Variants in BTBD7 observed in about 807,000 individuals in gnomAD.
The protein encoded by BTBD7 is BTB domain containing 7, also known as BTB/POZ domain-containing protein 7.
Under a neutral mutation model 99.9 loss-of-function variants are expected in BTBD7, and 38 were observed. The observed-to-expected ratio is 0.38, with a 90% CI of 0.29 to 0.50. BTBD7 has a LOEUF of 0.50. BTBD7 is among the 20% of genes least tolerant of loss of function. BTBD7 has a pLI of 0.93. For synonymous variants in BTBD7, 520 were observed against 511.4 expected (o/e 1.02, Z -0.23); for missense variants, 1,170 against 1,394.6 (o/e 0.84, Z 2.57).
intron 3 of BTBD7, among the ~76,000 whole-genome samples, chr14:93,272,667 C>T (rs895739170): frequency 1.3e-5 from 2 of 152,296 alleles, no homozygotes; most frequent in South Asian, 4.1e-4. Context: ...TCACATCACA[C>T]CTACAAATCT....
rs772833056 is a variant in BTBD7 at position 93,257,301 on chromosome 14, C to T, written c.1502G>A (p.Arg501Lys). Residue 501 changes from arginine (R) to lysine (K), a missense_variant, in exon 6 of 11, where the codon AGA becomes AAA. Physicochemically the swap from Arg to Lys is conservative, Grantham distance 26. Transcript: ENST00000334746. ...AHSVNKRGVK[R>K]RDLDMEELRE... ...GAGCTCTTCCATGTCCAGGTCCCGTCTTTTTACACCTCTTTTGTTCACACT... is the reference window on the plus strand; with the variant it reads ...GAGCTCTTCCATGTCCAGGTCCCGTTTTTTTACACCTCTTTTGTTCACACT... The T allele has an allele frequency of 1.2e-6, 2 of 1,614,072 alleles. No individual in the cohort carries two copies. Among genetic ancestry groups the T allele is most frequent in the Non-Finnish European group, 8.5e-7 (1 of 1,179,976 alleles).
At chr14:93,284,458 CT>C (rs5810626) in intron 3 of BTBD7, among the ~76,000 whole-genome samples, 2,197 of 145,452 alleles carry the variant, frequency 0.015, 52 homozygotes, top group African/African-American at 0.048. Context: ...CCACTCCCCA[CT>C]TTTTTTTTTT....
chr14:93,282,212 T>C (rs2052728209), intron 3 of BTBD7, among the ~76,000 whole-genome samples: 1 of 152,212 alleles, frequency 6.6e-6, no homozygotes, highest in South Asian at 2.1e-4. Context: ...AATATCATTA[T>C]CAATCTATCT....
chr14:93,275,028 T>C (rs1315658832), intron 3 of BTBD7, among the ~76,000 whole-genome samples: 2 of 152,158 alleles, frequency 1.3e-5, no homozygotes, highest in Non-Finnish European at 2.9e-5. Context: ...AAGTAGGCAA[T>C]CTCACCTCTA....
chr14:93,281,590 ACT>A (rs1350843855), intron 3 of BTBD7, among the ~76,000 whole-genome samples: 1 of 152,226 alleles, frequency 6.6e-6, no homozygotes, highest in African/African-American at 2.4e-5. Flanking sequence ...TCAAAAGTAA[ACT>A]CTATATATAC....
chr14:93,280,239 G>A (rs970530601), intron 3 of BTBD7, among the ~76,000 whole-genome samples: 1 of 152,210 alleles, frequency 6.6e-6, no homozygotes, highest in Non-Finnish European at 1.5e-5. Flanking sequence ...TACAAGCTCA[G>A]ATGTCAAAAG....
At chr14:93,254,484 C>G (rs2052407374) in intron 6 of BTBD7, among the ~76,000 whole-genome samples, 2 of 152,146 alleles carry the variant, frequency 1.3e-5, no homozygotes, top group Non-Finnish European at 1.5e-5. Flanking sequence ...CCTATATCTA[C>G]AGTACAAGGA....
intron 8 of BTBD7, among the ~76,000 whole-genome samples, chr14:93,249,104 C>T (rs749170165): frequency 3.3e-5 from 5 of 151,932 alleles, no homozygotes; most frequent in Non-Finnish European, 7.4e-5. Flanking sequence ...ACTAAACCAG[C>T]AGTAAACAAA....
At chr14:93,308,780 G>C (rs1249966040) in intron 1 of BTBD7, among the ~76,000 whole-genome samples, 1 of 152,188 alleles carries the variant, frequency 6.6e-6, no homozygotes, top group East Asian at 1.9e-4. Flanking sequence ...CCACTTATAT[G>C]AAGTACTTAG....
At chr14:93,260,198 T>C (rs1197357143) in intron 5 of BTBD7, among the ~76,000 whole-genome samples, 2 of 152,222 alleles carry the variant, frequency 1.3e-5, no homozygotes, top group East Asian at 3.8e-4. Flanking sequence ...AAAACAACTC[T>C]ATAAAGGTAC....
chr14:93,290,652 G>A lies in BTBD7; in HGVS notation c.1162+3206C>T, dbSNP rs536180829. On this transcript the variant is annotated intron_variant, in intron 3 of 10. Coordinates refer to ENST00000334746, the MANE Select transcript of BTBD7 (RefSeq NM_001002860.4). ...CATGCCTCAGCCTCCTGGGTAGCTG[G>A]GATTACAGGTGTGTGCCACCACACC... is the stretch of plus-strand genomic sequence containing the variant. Among the ~76,000 whole-genome samples the A allele has an allele frequency of 4.6e-5, 7 of 151,524 alleles. No homozygotes were observed. In the East Asian group the frequency reaches 1.2e-3, roughly 25 times the overall value.
At chr14:93,255,613 A>G (rs1464344222) in intron 6 of BTBD7, 1 of 151,020 alleles carries the variant, frequency 6.6e-6, no homozygotes, top group East Asian at 1.9e-4. Flanking sequence ...CTTGTGCCTC[A>G]GCCTCTCGAG....
chr14:93,321,045 G>T (rs546534216), intron 1 of BTBD7, among the ~76,000 whole-genome samples: 1 of 152,266 alleles, frequency 6.6e-6, no homozygotes, highest in Admixed American at 6.5e-5. Flanking sequence ...AAGGAATTAA[G>T]AGAGGTTATA....
intron 3 of BTBD7, among the ~76,000 whole-genome samples, chr14:93,285,690 T>C (rs1338958338): frequency 6.6e-6 from 1 of 152,216 alleles, no homozygotes; most frequent in Non-Finnish European, 1.5e-5. Context: ...CAGAGCTGTT[T>C]ACCCAGTATA....
At chr14:93,248,330 C>T in intron 9 of BTBD7, 146 bp downstream of exon 9, 1 of 780,394 alleles carries the variant, frequency 1.3e-6, no homozygotes, top group South Asian at 1.9e-5. Context: ...CCAGGAGGGA[C>T]TTGCAGGTTA....
Position 93,257,177 on chromosome 14 carries a change from A to G in BTBD7, c.1608+18T>C. On this transcript the variant is annotated intron_variant, in intron 6 of 10. Transcript: ENST00000334746. Reference sequence around the variant, plus strand: ...ATTTTTCTTTTCATGAAAGGAATACATGGAGAAAAACACTTACTGCATCAC... The same window carrying G: ...ATTTTTCTTTTCATGAAAGGAATACGTGGAGAAAAACACTTACTGCATCAC... The G allele has an allele frequency of 6.2e-7, 1 of 1,605,834 alleles. No homozygotes were observed. Among genetic ancestry groups the G allele is most frequent in the African/African-American group, 1.3e-5 (1 of 74,640 alleles).
intron 8 of BTBD7, among the ~76,000 whole-genome samples, chr14:93,249,261 A>T (rs1305345370): frequency 7.0e-6 from 1 of 142,652 alleles, no homozygotes; most frequent in Non-Finnish European, 1.5e-5. Flanking sequence ...AGGAAACCAG[A>T]TAGGCAAAAA....
At position 93,244,855 on chromosome 14, in the gene BTBD7, C is replaced by CTTTT. The variant is rs58775665; in HGVS notation, c.2583+966_2583+969dup. Among the ~76,000 whole-genome samples the CTTTT allele has an allele frequency of 9.3e-4, 100 of 107,408 alleles. 1 individual carries two copies. The highest frequency in any genetic ancestry group is 2.3e-3 in the African/African-American group (63 of 26,962). The allele number at this position is 107,408 out of a possible 152,430, so 70.5% of individuals were successfully genotyped here. ...ATGAAGACTTACAAATCTTACAAAT[C>CTTTT]TTTTTTTTTTTTTTTTTTTTTGAGA... is the stretch of plus-strand genomic sequence containing the variant. On this transcript the variant is annotated intron_variant, in intron 10 of 10. Transcript: ENST00000334746.
rs1445084483 is a variant in BTBD7 at position 93,332,884 on chromosome 14, G to A, written c.-171C>T. On this transcript the variant is annotated 5_prime_UTR_variant, in exon 1 of 11. Coordinates refer to ENST00000334746, the MANE Select transcript of BTBD7 (RefSeq NM_001002860.4). ...CGCTGCCGTCGCCTCCGCCGCCGCC[G>A]CCACCAGCACCGCCGTCCGCACCGG... The A allele has an allele frequency of 1.4e-6, 2 of 1,440,140 alleles. No homozygotes were observed. The highest frequency in any genetic ancestry group is 1.8e-6 in the Non-Finnish European group (2 of 1,089,138). 89.2% of individuals were successfully genotyped at this position (1,440,140 alleles called of 1,614,324 possible).
Sources: gnomAD v4.1 joint callset for allele counts (sites outside exome capture counted in the v4.1 genomes callset) on GRCh38, gnomAD v4.1.1 for gene constraint, MANE v1.5 for transcripts, NCBI Gene and HGNC (gene_info 2026-07-23, HGNC 2026-07-21) for gene names.